The following POFUT3 variants were observed in gnomAD, a reference collection of about 807,000 sequenced individuals.
POFUT3 encodes protein O-fucosyltransferase 3.
the POFUT3 span, among the ~76,000 whole-genome samples, chr8:33,329,117 T>G: frequency 6.6e-6 from 1 of 152,274 alleles, no homozygotes; most frequent in Non-Finnish European, 1.5e-5. Flanking sequence ...CCTTCTACAC[T>G]TTTCCAACAA....
the POFUT3 span, among the ~76,000 whole-genome samples, chr8:33,324,721 C>G: frequency 6.6e-6 from 1 of 151,922 alleles, no homozygotes; most frequent in African/African-American, 2.4e-5. Flanking sequence ...TGCACCCCCC[C>G]AACCCCACTC....
the POFUT3 span, among the ~76,000 whole-genome samples, chr8:33,312,865 A>G: frequency 6.6e-6 from 1 of 152,174 alleles, no homozygotes; most frequent in Admixed American, 6.6e-5. Context: ...TGCAATTTCC[A>G]AATGATCGGA....
chr8:33,354,214 A>T, the POFUT3 span, among the ~76,000 whole-genome samples: 1 of 152,154 alleles, frequency 6.6e-6, no homozygotes, highest in Non-Finnish European at 1.5e-5. Flanking sequence ...GAGAAACAGA[A>T]CCGATAGGAG....
At chr8:33,403,894 G>A in the POFUT3 span, among the ~76,000 whole-genome samples, 4 of 152,228 alleles carry the variant, frequency 2.6e-5, no homozygotes, top group East Asian at 7.7e-4. Context: ...GTACACTCCA[G>A]TCATGCCAAG....
chr8:33,429,033 C>T, the POFUT3 span, among the ~76,000 whole-genome samples: 2 of 152,168 alleles, frequency 1.3e-5, 1 homozygote, highest in Non-Finnish European at 2.9e-5. Flanking sequence ...TCACAGGATA[C>T]AACTTACTGG....
chr8:33,403,302 G>A, the POFUT3 span, among the ~76,000 whole-genome samples: 6 of 151,884 alleles, frequency 4.0e-5, no homozygotes, highest in Admixed American at 2.0e-4. Flanking sequence ...GAGAGACAGT[G>A]TGTGGACTGT....
chr8:33,458,712 T>TCAAAAAA, the POFUT3 span, among the ~76,000 whole-genome samples: 1 of 151,568 alleles, frequency 6.6e-6, no homozygotes, highest in Non-Finnish European at 1.5e-5. Flanking sequence ...AGACTCCGTC[T>TCAAAAAA]CAAAAAACAA....
At chr8:33,376,525 T>C in the POFUT3 span, among the ~76,000 whole-genome samples, 1 of 152,116 alleles carries the variant, frequency 6.6e-6, no homozygotes, top group Non-Finnish European at 1.5e-5. Context: ...ATTAACTTGT[T>C]TGGTAAAATG....
At chr8:33,392,600 TA>T in the POFUT3 span, among the ~76,000 whole-genome samples, 1 of 151,172 alleles carries the variant, frequency 6.6e-6, no homozygotes, top group Non-Finnish European at 1.5e-5. Flanking sequence ...ATAAATAAAA[TA>T]AATAAAAACA....
At chr8:33,384,412 C>A in the POFUT3 span, among the ~76,000 whole-genome samples, 1 of 152,176 alleles carries the variant, frequency 6.6e-6, no homozygotes, top group Non-Finnish European at 1.5e-5. Context: ...TCCTTTTACT[C>A]GAGAAGGAAT....
At chr8:33,383,789 A>ACT in the POFUT3 span, among the ~76,000 whole-genome samples, 49,740 of 151,566 alleles carry the variant, frequency 0.33, 10,091 homozygotes, top group East Asian at 0.56. Context: ...ACAGAGTGAG[A>ACT]CTGTCTCAAA....
chr8:33,422,491 G>A, the POFUT3 span, among the ~76,000 whole-genome samples: 14 of 137,854 alleles, frequency 1.0e-4, no homozygotes, highest in African/African-American at 3.5e-4. Context: ...GTTGCAGTGA[G>A]CTGAGATCGT....
At chr8:33,422,018 G>GAAAACAAAAACAAAAACA in the POFUT3 span, among the ~76,000 whole-genome samples, 1 of 149,534 alleles carries the variant, frequency 6.7e-6, no homozygotes, top group Non-Finnish European at 1.5e-5. Context: ...CAACCACACA[G>GAAAACAAAAACAAAAACA]AAAACAAAAA....
chr8:33,363,930 A>G, the POFUT3 span, among the ~76,000 whole-genome samples: 277 of 152,332 alleles, frequency 1.8e-3, no homozygotes, highest in Non-Finnish European at 2.2e-3. Context: ...TGAGGCTAAC[A>G]TCATCCTGAT....
chr8:33,392,880 G>T, the POFUT3 span, among the ~76,000 whole-genome samples: 1 of 152,046 alleles, frequency 6.6e-6, no homozygotes, highest in African/African-American at 2.4e-5. Context: ...GCTACTCAAT[G>T]CTGAGAAGGA....
At chr8:33,321,829 C>T in the POFUT3 span, among the ~76,000 whole-genome samples, 3 of 152,228 alleles carry the variant, frequency 2.0e-5, no homozygotes, top group South Asian at 2.1e-4. Flanking sequence ...GTCACTTCCT[C>T]GGGGCAGCTT....
chr8:33,343,931 C>T, the POFUT3 span, among the ~76,000 whole-genome samples: 18 of 152,230 alleles, frequency 1.2e-4, 1 homozygote, highest in South Asian at 3.3e-3. Context: ...GGTGTTAGGA[C>T]CCCCAACCCA....
chr8:33,375,010 AG>A, the POFUT3 span, among the ~76,000 whole-genome samples: 4 of 151,430 alleles, frequency 2.6e-5, no homozygotes, highest in Non-Finnish European at 5.9e-5. Flanking sequence ...CCTCCCAAGT[AG>A]CTGAGATTAC....
the POFUT3 span, among the ~76,000 whole-genome samples, chr8:33,427,063 C>T: frequency 6.6e-6 from 1 of 152,186 alleles, no homozygotes; most frequent in Non-Finnish European, 1.5e-5. Context: ...AAGCATACAG[C>T]CCCCTGCAGA....
Sources: gnomAD v4.1 joint callset for allele counts (sites outside exome capture counted in the v4.1 genomes callset) on GRCh38, gnomAD v4.1.1 for gene constraint, MANE v1.5 for transcripts, NCBI Gene and HGNC (gene_info 2026-07-23, HGNC 2026-07-21) for gene names.